The following CFAP61 variants were observed in gnomAD, a reference collection of about 807,000 sequenced individuals.
CFAP61 encodes cilia- and flagella-associated protein 61.
A neutral mutation model predicts 135.6 loss-of-function variants in CFAP61; 107 were observed. The ratio of observed to expected loss-of-function variants is 0.79; its 90% CI spans 0.67 to 0.93. The LOEUF (loss-of-function observed/expected upper bound fraction) is 0.93, where lower values mean the gene tolerates loss of function less well. Ranked by LOEUF, CFAP61 falls within the 40% of genes least tolerant of loss-of-function variation. The pLI is 0.00. For synonymous variants in CFAP61, 575 were observed against 578.5 expected, an observed-to-expected ratio of 0.99 and a Z score of 0.09; for missense variants, 1,507 against 1,556.2, an observed-to-expected ratio of 0.97 and a Z score of 0.53.
intron 8 of CFAP61, among the ~76,000 whole-genome samples, chr20:20,101,756 G>T (rs2048039880): frequency 6.6e-6 from 1 of 152,034 alleles, no homozygotes; most frequent in Non-Finnish European, 1.5e-5. Flanking sequence ...CTCCCCAGTA[G>T]CTGAGATTAC....
intron 2 of CFAP61, chr20:20,069,819 TTC>T (rs938970974): frequency 1.1e-5 from 5 of 452,570 alleles, no homozygotes; most frequent in African/African-American, 2.0e-5. Flanking sequence ...CCATGTCACT[TTC>T]TGTCCTCCTG....
At chr20:20,172,803 T>C (rs1445872301) in intron 13 of CFAP61, among the ~76,000 whole-genome samples, 3 of 152,222 alleles carry the variant, frequency 2.0e-5, no homozygotes, top group Non-Finnish European at 4.4e-5. Context: ...TCACCCAATG[T>C]CCATAGTTCA....
intron 21 of CFAP61, among the ~76,000 whole-genome samples, chr20:20,274,040 G>A (rs2053561003): frequency 6.6e-6 from 1 of 152,118 alleles, no homozygotes; most frequent in Non-Finnish European, 1.5e-5. Flanking sequence ...TTCTGGAGGG[G>A]GCCCCAAAAT....
At chr20:20,179,131 A>T (rs2054857856) in intron 13 of CFAP61, among the ~76,000 whole-genome samples, 1 of 152,190 alleles carries the variant, frequency 6.6e-6, no homozygotes, top group Non-Finnish European at 1.5e-5. Context: ...TGAAAATCTC[A>T]TAGTCTCTGC....
intron 8 of CFAP61, among the ~76,000 whole-genome samples, chr20:20,105,372 C>T (rs1600674556): frequency 6.6e-6 from 1 of 152,202 alleles, no homozygotes; most frequent in Middle Eastern, 3.4e-3. Context: ...CACTCAGTGG[C>T]CACACAGCAA....
chr20:20,150,338 G>A (rs1253381281), intron 9 of CFAP61, among the ~76,000 whole-genome samples: 1 of 152,100 alleles, frequency 6.6e-6, no homozygotes, highest in Non-Finnish European at 1.5e-5. Context: ...CCCATCACCT[G>A]AGAAACCCAA....
chr20:20,057,236 T>G (rs1298305870), intron 2 of CFAP61, among the ~76,000 whole-genome samples: 1 of 151,940 alleles, frequency 6.6e-6, no homozygotes, highest in Non-Finnish European at 1.5e-5. Context: ...TACTGCACAG[T>G]GAAAAAATTG....
chr20:20,350,561 G>A (rs2058798640), intron 26 of CFAP61, among the ~76,000 whole-genome samples: 1 of 150,860 alleles, frequency 6.6e-6, no homozygotes. Context: ...CCCAGGAGGT[G>A]GATGTTGCAA....
intron 13 of CFAP61, among the ~76,000 whole-genome samples, chr20:20,181,117 T>C (rs1465767997): frequency 1.3e-5 from 2 of 151,572 alleles, no homozygotes; most frequent in Non-Finnish European, 2.9e-5. Context: ...CACAAGTTTG[T>C]CTATATAACC....
chr20:20,204,771 CAT>C (rs1292072081), intron 17 of CFAP61, among the ~76,000 whole-genome samples: 7 of 152,156 alleles, frequency 4.6e-5, no homozygotes, highest in Non-Finnish European at 8.8e-5. Context: ...TTTTCAGCAT[CAT>C]ATATGCTCTA....
intron 25 of CFAP61, among the ~76,000 whole-genome samples, chr20:20,304,194 TTC>T (rs2056294996): frequency 6.6e-6 from 1 of 151,920 alleles, no homozygotes; most frequent in Non-Finnish European, 1.5e-5. Context: ...CTATATTTTA[TTC>T]TCTGTTTTTA....
intron 17 of CFAP61, among the ~76,000 whole-genome samples, chr20:20,200,133 C>T (rs1049370106): frequency 6.6e-6 from 1 of 152,242 alleles, no homozygotes; most frequent in Non-Finnish European, 1.5e-5. Flanking sequence ...AGGGTCATGC[C>T]ATGAGGATAC....
At chr20:20,298,039 G>C (rs1354343699) in intron 24 of CFAP61, 142 bp from the exon 25 acceptor site, 1 of 623,792 alleles carries the variant, frequency 1.6e-6, no homozygotes, top group African/African-American at 1.8e-5. Flanking sequence ...GCCGAGTTTA[G>C]TCAATATCTA....
At chr20:20,217,660 A>C (rs1050340010) in intron 17 of CFAP61, among the ~76,000 whole-genome samples, 2 of 152,344 alleles carry the variant, frequency 1.3e-5, no homozygotes, top group African/African-American at 4.8e-5. Flanking sequence ...CTGAGCAAAC[A>C]GCATATTCCC....
In CFAP61 at chr20:20,053,006, TATAA is replaced by T. The variant is rs2043882345; in HGVS notation, c.-37+419_-37+422del. ...TTTGAAGCCAGATATTAGGAAAAAA[TATAA>T]ATAGAGTAACTGGAAAACAACTCAG... On this transcript the variant is annotated intron_variant, in intron 1 of 26. Coordinates refer to ENST00000245957, the MANE Select transcript of CFAP61 (RefSeq NM_015585.4). 2.6e-5 allele frequency among the ~76,000 whole-genome samples: 4 copies of T among 152,090 alleles called. No homozygotes were observed. In the South Asian group the frequency reaches 8.3e-4, roughly 32 times the overall value.
intron 17 of CFAP61, among the ~76,000 whole-genome samples, chr20:20,209,798 C>G (rs2047501895): frequency 6.6e-6 from 1 of 152,154 alleles, no homozygotes; most frequent in South Asian, 2.1e-4. Flanking sequence ...GTCATGGCAT[C>G]GTGGCAGGCG....
intron 8 of CFAP61, among the ~76,000 whole-genome samples, chr20:20,142,548 C>A (rs563148748): frequency 2.6e-5 from 4 of 152,184 alleles, no homozygotes; most frequent in African/African-American, 9.6e-5. Flanking sequence ...TGAGGGCCTC[C>A]TGTGGCCCAG....
intron 1 of CFAP61, 56 bp from the exon 2 acceptor site, chr20:20,056,562 A>C: frequency 2.6e-6 from 3 of 1,161,538 alleles, no homozygotes; most frequent in Non-Finnish European, 3.8e-6. Context: ...AAATTGAATT[A>C]GTGTTCAGTT....
rs148908745 is a variant in CFAP61, at chr20:20,193,007, C to G, written c.1590+1588C>G. Among the ~76,000 whole-genome samples, 129 of 152,216 alleles carry G rather than the reference C, an allele frequency of 8.5e-4. 1 individual carries two copies. The highest frequency in any genetic ancestry group is 2.9e-3 in the African/African-American group (122 of 41,484). ...ACACAAGGGGTGGAGGCAGACTTCT[C>G]TCGATGGGGGTGTGGCAGAGTCACT... On this transcript the variant is annotated intron_variant, in intron 15 of 26. Coordinates refer to ENST00000245957, the MANE Select transcript of CFAP61 (RefSeq NM_015585.4).
Sources: allele counts gnomAD v4.1 joint callset (sites outside exome capture counted in the v4.1 genomes callset), GRCh38; gene constraint gnomAD v4.1.1; transcripts MANE v1.5; gene names NCBI Gene and HGNC (gene_info 2026-07-23, HGNC 2026-07-21).